Variants in PLAA observed in about 807,000 individuals in gnomAD.
PLAA encodes phospholipase A2 activating protein, also known as phospholipase A-2-activating protein.
In PLAA, 48 loss-of-function variants were observed where a neutral mutation model predicts 84.1. That is an observed-to-expected ratio of 0.57 (90% CI 0.45 to 0.73). The LOEUF (loss-of-function observed/expected upper bound fraction) is 0.73. Ranked by LOEUF, PLAA falls within the 30% of genes least tolerant of loss-of-function variation. The pLI is 0.00. For synonymous variants in PLAA, 392 were observed against 336.6 expected, an observed-to-expected ratio of 1.16 and a Z score of -1.80; for missense variants, 903 against 954.7, an observed-to-expected ratio of 0.95 and a Z score of 0.71.
intron 13 of PLAA, 73 bp downstream of exon 13, chr9:26,907,761 A>G: frequency 2.4e-6 from 3 of 1,275,892 alleles, no homozygotes; most frequent in Non-Finnish European, 3.3e-6. Flanking sequence ...ATCCACAAAT[A>G]CCAGTAATAT....
At chr9:26,908,464 C>T (rs534638778) in intron 12 of PLAA, among the ~76,000 whole-genome samples, 2 of 148,710 alleles carry the variant, frequency 1.3e-5, no homozygotes, top group Non-Finnish European at 3.0e-5. Flanking sequence ...CCACGCCTGG[C>T]CTTATTATTA....
At chr9:26,916,968 C>A in intron 10 of PLAA, 129 bp downstream of exon 10, 2 of 780,262 alleles carry the variant, frequency 2.6e-6, no homozygotes, top group Non-Finnish European at 4.1e-6. Context: ...AAAGGAAATC[C>A]ATCAAAATTG....
chr9:26,913,440 C>A (rs1430767354), intron 11 of PLAA, among the ~76,000 whole-genome samples: 1 of 152,062 alleles, frequency 6.6e-6, no homozygotes, highest in Admixed American at 6.6e-5. Context: ...TTAAAGAGAA[C>A]AATGTATAAT....
At chr9:26,911,184 GCT>G (rs1456307774) in intron 11 of PLAA, among the ~76,000 whole-genome samples, 1 of 151,974 alleles carries the variant, frequency 6.6e-6, no homozygotes, top group African/African-American at 2.4e-5. Flanking sequence ...ACAGAGTCAC[GCT>G]CTGTTGCCCA....
chr9:26,915,744 T>C (rs1410320372), intron 10 of PLAA: 2 of 985,088 alleles, frequency 2.0e-6, no homozygotes, highest in Non-Finnish European at 2.4e-6. Context: ...TCTTCTGAGT[T>C]ACTGACATTA....
chr9:26,907,336 T>C (rs1824268038), intron 13 of PLAA, among the ~76,000 whole-genome samples: 1 of 151,930 alleles, frequency 6.6e-6, no homozygotes, highest in South Asian at 2.1e-4. Flanking sequence ...GAGACCATCC[T>C]GGCTAACGTG....
intron 2 of PLAA, among the ~76,000 whole-genome samples, chr9:26,933,694 C>G (rs1472539493): frequency 6.9e-6 from 1 of 144,210 alleles, no homozygotes; most frequent in Non-Finnish European, 1.5e-5. Context: ...CAGGCTGAGG[C>G]AGGAGAATGG....
At position 26,913,892 on chromosome 9, in the gene PLAA, A is replaced by T. The variant is rs1317220318; in HGVS notation, c.1542T>A (p.Val514=). Residue 514 remains valine, a synonymous_variant, in exon 11 of 14, where the codon GTT becomes GTA. Transcript: ENST00000397292. ...SASMGTTMAG[V]DPFTGNSAYR... ...AAAAGTATGTACCTGTAAATGGATCAACTCCGGCCATGGTAGTTCCCATAC... is the reference window on the plus strand; with the variant it reads ...AAAAGTATGTACCTGTAAATGGATCTACTCCGGCCATGGTAGTTCCCATAC... 2 of 1,610,474 alleles carry T rather than the reference A, an allele frequency of 1.2e-6. No individual in the cohort carries two copies. The highest frequency in any genetic ancestry group is 1.7e-6 in the Non-Finnish European group (2 of 1,177,050).
chr9:26,909,891 T>C (rs1213458646), intron 12 of PLAA, among the ~76,000 whole-genome samples: 1 of 152,236 alleles, frequency 6.6e-6, no homozygotes, highest in Non-Finnish European at 1.5e-5. Flanking sequence ...CCCAAAGTGC[T>C]GGGATTACAG....
chr9:26,911,604 T>C (rs1824401450), intron 11 of PLAA, among the ~76,000 whole-genome samples: 1 of 152,206 alleles, frequency 6.6e-6, no homozygotes, highest in Non-Finnish European at 1.5e-5. Flanking sequence ...TAGTCTTTTA[T>C]ACTTTTTTTT....
chr9:26,919,612 GTTCT>G (rs747241039), intron 8 of PLAA, 83 bp from the exon 9 acceptor site: 44 of 742,596 alleles, frequency 5.9e-5, no homozygotes, highest in Non-Finnish European at 9.2e-5. Context: ...ACACAGATGT[GTTCT>G]TTAATAATTA....
In PLAA at chr9:26,910,452, T is replaced by C. The variant is rs1587150178; in HGVS notation, c.1556-13A>G. 10 of 1,573,818 alleles carry C rather than the reference T, an allele frequency of 6.4e-6. No homozygotes were observed. The East Asian group carries it at 1.6e-4, about 25-fold the overall frequency. ...TAGGCACTATTCCCTATTTAAAGAA[T>C]AGAAGATGATGATAATCACAAGGAG... On this transcript the variant is annotated splice_polypyrimidine_tract_variant and intron_variant, in intron 11 of 13. Coordinates refer to ENST00000397292, the MANE Select transcript of PLAA (RefSeq NM_001031689.3).
chr9:26,940,339 A>G (rs1825492769), intron 1 of PLAA, among the ~76,000 whole-genome samples: 2 of 152,268 alleles, frequency 1.3e-5, no homozygotes, highest in South Asian at 4.1e-4. Context: ...AAATTCTGAC[A>G]TATGCTACAA....
Position 26,905,964 on chromosome 9 carries a change from A to G in PLAA, c.1935T>C (p.Asn645=). 3 of 1,614,146 alleles carry G rather than the reference A, an allele frequency of 1.9e-6. No individual in the cohort carries two copies. Among genetic ancestry groups the G allele is most frequent in the Non-Finnish European group, 2.5e-6 (3 of 1,180,020 alleles). The change falls in exon 14 of 14, where the codon AAT becomes AAC. Residue 645 remains asparagine, a synonymous_variant. Transcript: ENST00000397292. The stretch of plus-strand genomic sequence containing the variant: ...CTGGCTTTCCTTTAGGGTTCAGAAG[A>G]TTGATAAGATGACTGCTGAACTGAG... ...EGAQFSSHLI[N]LLNPKGKPAN... is the part of the protein sequence containing the mutation.
intron 2 of PLAA, among the ~76,000 whole-genome samples, chr9:26,929,211 A>T (rs1825087872): frequency 6.6e-6 from 1 of 152,042 alleles, no homozygotes; most frequent in Admixed American, 6.6e-5. Flanking sequence ...TTAAAAAAAA[A>T]GAAAGAAAAG....
chr9:26,938,370 C>G (rs1401161209), intron 1 of PLAA, among the ~76,000 whole-genome samples: 1 of 151,792 alleles, frequency 6.6e-6, no homozygotes, highest in South Asian at 2.1e-4. Context: ...GTCAACATAG[C>G]GAAACCCCAT....
chr9:26,917,247 A>T lies in PLAA; in HGVS notation c.1418-82T>A. On this transcript the variant is annotated intron_variant, in intron 9 of 13. Transcript: ENST00000397292. ...ACAGCACAATGCTTGTTTTAGAAGAACCTACATTTGGAGAAAAACAGAAGA... is the reference window on the plus strand; with the variant it reads ...ACAGCACAATGCTTGTTTTAGAAGATCCTACATTTGGAGAAAAACAGAAGA... The T allele has an allele frequency of 2.8e-6, 3 of 1,085,856 alleles. No individual in the cohort carries two copies. The South Asian group carries it at 4.0e-5, about 14-fold the overall frequency. 67.3% of individuals were successfully genotyped at this position (1,085,856 alleles called of 1,614,324 possible). A position where few individuals can be genotyped will look rare whatever the true frequency, so the allele number is the denominator to read the frequency against.
chr9:26,905,688 T>C lies in PLAA; in HGVS notation c.2211A>G (p.Gln737=). The change falls in exon 14 of 14, where the codon CAA becomes CAG. Residue 737 remains glutamine, a synonymous_variant. Transcript: ENST00000397292. ...SLISTILEVV[Q]DLEATFRLLV... ...GAAGTCTAAAAGTGGCTTCTAGGTC[T>C]TGTACTACTTCCAAGATTGTGCTAA... The C allele has an allele frequency of 6.2e-7, 1 of 1,614,256 alleles. No homozygotes were observed. The highest frequency in any genetic ancestry group is 8.5e-7 in the Non-Finnish European group (1 of 1,180,042).
intron 2 of PLAA, among the ~76,000 whole-genome samples, chr9:26,930,203 C>G (rs905878181): frequency 6.6e-6 from 1 of 151,340 alleles, no homozygotes; most frequent in African/African-American, 2.4e-5. Context: ...CTCCCGGGTT[C>G]ACGCCATTCT....
Sources: allele counts gnomAD v4.1 joint callset (sites outside exome capture counted in the v4.1 genomes callset), GRCh38; gene constraint gnomAD v4.1.1; transcripts MANE v1.5; gene names NCBI Gene and HGNC (gene_info 2026-07-23, HGNC 2026-07-21).